The following ARSD variants were observed in gnomAD, a reference collection of about 807,000 sequenced individuals.
ARSD encodes the protein arylsulfatase D.
ARSD carries 21 observed loss-of-function variants against 32.6 expected under a neutral mutation model. The ratio of observed to expected loss-of-function variants is 0.64; its 90% CI spans 0.46 to 0.93. The LOEUF (loss-of-function observed/expected upper bound fraction) is 0.93. ARSD is among the 40% of genes least tolerant of loss of function. ARSD has a pLI of 0.00. For synonymous variants in ARSD, 224 were observed against 237.4 expected (o/e 0.94, Z 0.52); for missense variants, 454 against 520.9 (o/e 0.87, Z 1.25).
At position 2,910,639 on chromosome X, in the gene ARSD, C is replaced by A; in HGVS notation, c.1135+20G>T. 8.3e-7 allele frequency: 1 copy of A among 1,210,980 alleles called. No homozygotes were observed. Among genetic ancestry groups the A allele is most frequent in the African/African-American group, 1.7e-5 (1 of 57,709 alleles). On this transcript the variant is annotated intron_variant, in intron 7 of 9. Coordinates refer to ENST00000381154, the MANE Select transcript of ARSD (RefSeq NM_001669.4). ...GATATTTGGTCGAATGCATATGTGT[C>A]CCCGATGTCCACAACTCACCTTTGT...
rs758908550 is a variant in ARSD at position 2,929,190 on chromosome X, C to A, written c.44+42G>T. ...TCGCGACCCCCTCCCCAGGCCCCCA[C>A]CCTAGGCCTTAGTATGGGCCGCGTC... On this transcript the variant is annotated intron_variant, in intron 1 of 9. Transcript: ENST00000381154. 106 of 1,029,484 alleles carry A rather than the reference C, an allele frequency of 1.0e-4. No homozygotes were observed. The African/African-American group carries it at 1.9e-3, about 18-fold the overall frequency. 84.8% of individuals were successfully genotyped at this position (1,029,484 alleles called of 1,213,427 possible).
intron 6 of ARSD, among the ~76,000 whole-genome samples, chrX:2,912,067 G>C (rs901525107): frequency 8.9e-6 from 1 of 111,823 alleles, no homozygotes; most frequent in Non-Finnish European, 1.9e-5. Flanking sequence ...CTGAGCCTGG[G>C]AGGTCAAGGC....
In ARSD at chrX:2,907,539, C is replaced by T. The variant is rs1179841809; in HGVS notation, c.1514G>A (p.Gly505Glu). ...GGGTCTGTGATGGGTCACGCCCTCC[C>T]CGGAGCATGGGCAGACGCCTCGGCC... The part of the protein sequence containing the change: ...CYGRGVCPCS[G>E]EGVTHHRPPL... Residue 505 changes from glycine (G) to glutamate (E), a missense_variant, in exon 10 of 10, where the codon GGG (glycine) becomes GAG (glutamate). This residue lies in a region of ARSD where 179 missense variants were observed against 198.5 expected (regional missense o/e 0.90). Coordinates refer to ENST00000381154, the MANE Select transcript of ARSD (RefSeq NM_001669.4). The T allele has an allele frequency of 8.5e-7, 1 of 1,178,566 alleles. No homozygotes were observed. The highest frequency in any genetic ancestry group is 1.1e-6 in the Non-Finnish European group (1 of 878,193).
chrX:2,920,611 G>A lies in ARSD; in HGVS notation c.429C>T (p.Thr143=), dbSNP rs184247373. The change falls in exon 4 of 10, where the codon ACC becomes ACT. Residue 143 remains threonine (T), a synonymous_variant. Transcript: ENST00000381154. ...CCCACATATCCACACCTATGAGGCC[G>A]GTTGCATAGCCATGCTGCTGCAAGA... The part of the protein sequence containing the change: ...ARILQQHGYA[T]GLIGKWHQGV... 7.4e-6 allele frequency: 9 copies of A among 1,209,883 alleles called. No individual in the cohort carries two copies. Among genetic ancestry groups the A allele is most frequent in the Admixed American group, 6.6e-5 (3 of 45,762 alleles).
At position 2,924,039 on chromosome X, in the gene ARSD, T is replaced by C. The variant is rs190516787; in HGVS notation, c.194+1577A>G. On this transcript the variant is annotated intron_variant, in intron 2 of 9. Coordinates refer to ENST00000381154, the MANE Select transcript of ARSD (RefSeq NM_001669.4). ...CCTGGACAGGGGGCAGATTGATTGA[T>C]TGATTGACTTAGAGACAGGGTCTTG... Among the ~76,000 whole-genome samples, 14 of 112,223 alleles carry C rather than the reference T, an allele frequency of 1.2e-4. No individual in the cohort carries two copies. In the East Asian group the frequency reaches 3.4e-3, roughly 27 times the overall value.
At position 2,925,737 on chromosome X, in the gene ARSD, A is replaced by G; in HGVS notation, c.73T>C (p.Cys25Arg). 8.3e-7 allele frequency: 1 copy of G among 1,211,653 alleles called. No homozygotes were observed. The highest frequency in any genetic ancestry group is 1.1e-6 in the Non-Finnish European group (1 of 895,345). ...RDSLPVLLFLCLLLKTCEPKT... is the reference protein window; with the variant it reads ...RDSLPVLLFLRLLLKTCEPKT... ...GGTTCACACGTCTTCAGAAGCAAGC[A>G]TAAAAACAGTAGCACCGGCAAAGAG... The change falls in exon 2 of 10, where the codon TGC (cysteine) becomes CGC (arginine). Residue 25 changes from cysteine (C) to arginine (R), a missense_variant. Cys to Arg is a radical substitution (Grantham distance 180). Coordinates refer to ENST00000381154, the MANE Select transcript of ARSD (RefSeq NM_001669.4).
Position 2,925,689 on chromosome X carries a change from G to A in ARSD, c.121C>T (p.Pro41Ser). Reference sequence around the variant, plus strand: ...TCCGCCATGATCAGTAGGATATTTGGTTTAAAGGCATTTGCAGTTTTAGGT... The same window carrying A: ...TCCGCCATGATCAGTAGGATATTTGATTTAAAGGCATTTGCAGTTTTAGGT... Reference protein sequence around the residue: ...CEPKTANAFKPNILLIMADDL... With the variant: ...CEPKTANAFKSNILLIMADDL... Residue 41 changes from proline (P) to serine (S), a missense_variant, in exon 2 of 10, where the codon CCA becomes TCA. Physicochemically the swap from Pro to Ser is moderately conservative, Grantham distance 74. This residue lies in a region of ARSD where 271 missense variants were observed against 301.0 expected (regional missense o/e 0.90). Transcript: ENST00000381154. 1.7e-6 allele frequency: 2 copies of A among 1,210,401 alleles called. No individual in the cohort carries two copies. Among genetic ancestry groups the A allele is most frequent in the South Asian group, 3.5e-5 (2 of 56,855 alleles).
chrX:2,922,234 TCTCA>T (rs1220920655), intron 2 of ARSD, among the ~76,000 whole-genome samples: 41 of 110,313 alleles, frequency 3.7e-4, no homozygotes, highest in African/African-American at 1.3e-3. Flanking sequence ...TCTCTCTCTC[TCTCA>T]CACACACACA....
intron 2 of ARSD, among the ~76,000 whole-genome samples, chrX:2,923,552 T>G (rs1001371503): frequency 1.0e-3 from 115 of 112,073 alleles, no homozygotes; most frequent in African/African-American, 3.6e-3. Flanking sequence ...AGATCAAGCA[T>G]GGGCAGGGCT....
chrX:2,911,601 C>T (rs1415074041), intron 6 of ARSD, among the ~76,000 whole-genome samples: 1 of 97,768 alleles, frequency 1.0e-5, no homozygotes, highest in Non-Finnish European at 2.0e-5. Flanking sequence ...ACCCAGGAGG[C>T]GGAGCTTGCA....
chrX:2,912,053 T>C (rs1207760754), intron 6 of ARSD, among the ~76,000 whole-genome samples: 5 of 111,532 alleles, frequency 4.5e-5, no homozygotes, highest in Non-Finnish European at 9.4e-5. Context: ...AGTGGGAGGA[T>C]TGCCTGAGCC....
intron 5 of ARSD, among the ~76,000 whole-genome samples, chrX:2,917,565 C>A (rs73632971): frequency 9.0e-6 from 1 of 110,593 alleles, no homozygotes; most frequent in Admixed American, 9.6e-5. Flanking sequence ...CCTCGACATC[C>A]GAGGCTGAAG....
rs751167902 is a variant in ARSD at position 2,907,538 on chromosome X, C to A, written c.1515G>T (p.Gly505=). The part of the protein sequence containing the change: ...CYGRGVCPCS[G]EGVTHHRPPL... ...GGGGTCTGTGATGGGTCACGCCCTC[C>A]CCGGAGCATGGGCAGACGCCTCGGC... The change falls in exon 10 of 10, where the codon GGG becomes GGT. Residue 505 remains glycine, a synonymous_variant. Coordinates refer to ENST00000381154, the MANE Select transcript of ARSD (RefSeq NM_001669.4). 8.5e-7 allele frequency: 1 copy of A among 1,180,074 alleles called. No individual in the cohort carries two copies. The highest frequency in any genetic ancestry group is 1.9e-5 in the South Asian group (1 of 52,035).
At chrX:2,908,596 ATCTG>A in intron 9 of ARSD, 121 bp downstream of exon 9, 1 of 617,056 alleles carries the variant, frequency 1.6e-6, no homozygotes, top group Non-Finnish European at 2.3e-6. Flanking sequence ...TTCTATAGCT[ATCTG>A]TCCATCCACC....
Position 2,907,686 on chromosome X carries a change from C to T in ARSD, c.1421-54G>A, listed in dbSNP as rs140023148. On this transcript the variant is annotated intron_variant, in intron 9 of 9. Coordinates refer to ENST00000381154, the MANE Select transcript of ARSD (RefSeq NM_001669.4). Reference sequence around the variant, plus strand: ...TGGCAGAAATCCACGCAGGTGTGAACGCAGAACGCAGGTGTCGGCCCTGTG... The same window carrying T: ...TGGCAGAAATCCACGCAGGTGTGAATGCAGAACGCAGGTGTCGGCCCTGTG... The T allele has an allele frequency of 1.9e-3, 2,053 of 1,086,277 alleles. 2 individuals are homozygous for T. Among genetic ancestry groups the T allele is most frequent in the Non-Finnish European group, 2.2e-3 (1,851 of 835,429 alleles). The allele number at this position is 1,086,277 out of a possible 1,213,427, so 89.5% of individuals were successfully genotyped here.
Position 2,920,666 on chromosome X carries a change from A to G in ARSD, c.374T>C (p.Leu125Pro). 1 of 1,211,639 alleles carries G rather than the reference A, an allele frequency of 8.3e-7. No individual in the cohort carries two copies. Among genetic ancestry groups the G allele is most frequent in the Non-Finnish European group, 1.1e-6 (1 of 895,361 alleles). ...TGCAAAAGTGGTTTCGTTCTCAGGG[A>G]GTCCACCTGAGCCTGCGTTCCACTG... ...ALQWNAGSGG[L>P]PENETTFARI... is the part of the protein sequence containing the mutation. The change falls in exon 4 of 10, where the codon CTC becomes CCC. Residue 125 changes from leucine (L) to proline (P), a missense_variant. Physicochemically the swap from Leu to Pro is moderately conservative, Grantham distance 98 (BLOSUM62 -3). Coordinates refer to ENST00000381154, the MANE Select transcript of ARSD (RefSeq NM_001669.4).
chrX:2,913,582 C>T (rs758833319), intron 6 of ARSD: 57 of 998,342 alleles, frequency 5.7e-5, no homozygotes, highest in Non-Finnish European at 6.9e-5. Context: ...AATATCTACA[C>T]TCTCTTAAGA....
chrX:2,928,990 T>C (rs991831032), intron 1 of ARSD, among the ~76,000 whole-genome samples: 1 of 111,870 alleles, frequency 8.9e-6, no homozygotes, highest in African/African-American at 3.2e-5. Flanking sequence ...TTCAGTTCGG[T>C]CTCCTCCACC....
At chrX:2,917,745 A>G in intron 5 of ARSD, 59 bp downstream of exon 5, 1 of 1,110,119 alleles carries the variant, frequency 9.0e-7, no homozygotes, top group Non-Finnish European at 1.2e-6. Flanking sequence ...TGCTAGGATG[A>G]CAGGCATGAG....
Sources: allele counts gnomAD v4.1 joint callset (sites outside exome capture counted in the v4.1 genomes callset), GRCh38; gene constraint gnomAD v4.1.1; regional missense constraint gnomAD v4.1.1; transcripts MANE v1.5; gene names NCBI Gene and HGNC (gene_info 2026-07-23, HGNC 2026-07-21).